Variants in ABHD2 observed in about 807,000 individuals in gnomAD.
ABHD2 encodes abhydrolase domain containing 2, acylglycerol lipase.
A neutral mutation model predicts 48.1 loss-of-function variants in ABHD2; 20 were observed. The ratio of observed to expected loss-of-function variants is 0.42; its 90% confidence interval spans 0.29 to 0.60. The LOEUF (loss-of-function observed/expected upper bound fraction) is 0.60, where lower values mean the gene tolerates loss of function less well. Among genes scored for constraint, ABHD2 ranks in the 20% least tolerant of loss-of-function variants. The probability of loss-of-function intolerance (pLI) is 0.24; values close to 1 mark genes in which losing one functional copy is unlikely to be tolerated. For missense variants in ABHD2, 405 were observed against 550.9 expected (o/e 0.74, Z 2.65); for synonymous variants, 209 against 214.2 (o/e 0.98, Z 0.21).
At position 89,200,468 on chromosome 15, in the gene ABHD2, G is replaced by C. The variant is rs911537975; in HGVS notation, c.*5045G>C. 1 of 152,516 alleles carries C rather than the reference G, an allele frequency of 6.6e-6. No individual in the cohort carries two copies. Among genetic ancestry groups the C allele is most frequent in the African/African-American group, 2.4e-5 (1 of 41,382 alleles). 9.4% of individuals were successfully genotyped at this position (152,516 alleles called of 1,614,324 possible). On this transcript the variant is annotated 3_prime_UTR_variant, in exon 11 of 11. Transcript: ENST00000352732. ...AGCGGGGCTCCTCACTTCCCAGACA[G>C]GGTGGCCAGGCAGAGGTGCTCCTCA...
intron 6 of ABHD2, chr15:89,183,310 C>T (rs2051143150): frequency 7.1e-6 from 1 of 140,918 alleles, no homozygotes; most frequent in South Asian, 2.3e-4. Flanking sequence ...TGTAGGTTAC[C>T]CTTTCTTTTA....
chr15:89,074,301 G>A, the ABHD2 span, among the ~76,000 whole-genome samples: 2 of 152,018 alleles, frequency 1.3e-5, no homozygotes, highest in Non-Finnish European at 2.9e-5. Flanking sequence ...GCTTGAACCC[G>A]GGCGGTGGAG....
intron 3 of ABHD2, among the ~76,000 whole-genome samples, chr15:89,121,784 T>C (rs1484322421): frequency 6.6e-6 from 1 of 152,168 alleles, no homozygotes; most frequent in Non-Finnish European, 1.5e-5. Context: ...CCCTCTTTTT[T>C]CTCAGCACCA....
intron 3 of ABHD2, among the ~76,000 whole-genome samples, chr15:89,149,310 G>A (rs1352654464): frequency 1.3e-5 from 2 of 152,102 alleles, no homozygotes; most frequent in African/African-American, 2.4e-5. Flanking sequence ...GAGGACAGTC[G>A]CCTAACGCCA....
At position 89,195,391 on chromosome 15, in the gene ABHD2, G is replaced by A. The variant is rs746997442; in HGVS notation, c.1246G>A (p.Asp416Asn). ...QWERNKLQCS[D>N]TEQVEADLE is the part of the protein sequence containing the mutation. The stretch of plus-strand genomic sequence containing the variant: ...GGAGCGTAACAAGTTGCAGTGCTCT[G>A]ACACGGAGCAGGTGGAGGCCGACCT... The change falls in exon 11 of 11, where the codon GAC becomes AAC. Residue 416 changes from aspartate to asparagine, a missense_variant. Physicochemically the swap from Asp to Asn is conservative, Grantham distance 23 (BLOSUM62 1). Transcript: ENST00000352732. This position sits in a 1 kb window ranked among gnomAD's most constrained non-coding sequence, Gnocchi z 5.1. 6.2e-7 allele frequency: 1 copy of A among 1,614,000 alleles called. No individual in the cohort carries two copies. Among genetic ancestry groups the A allele is most frequent in the African/African-American group, 1.3e-5 (1 of 74,944 alleles).
At position 89,201,061 on chromosome 15, in the gene ABHD2, A is replaced by C; in HGVS notation, c.*5638A>C. The C allele has an allele frequency of 1.0e-5, 8 of 778,064 alleles. No individual in the cohort carries two copies. The South Asian group carries it at 1.1e-4, about 11-fold the overall frequency. The allele number at this position is 778,064 out of a possible 1,614,324, so 48.2% of individuals were successfully genotyped here. On this transcript the variant is annotated 3_prime_UTR_variant, in exon 11 of 11. Transcript: ENST00000352732. The stretch of plus-strand genomic sequence containing the variant: ...CACGCCTCTGCACTCCAGCCTGGGC[A>C]ACAAGAGTGAGACTCCGTCTCCAAA...
In ABHD2 at chr15:89,201,498, T is replaced by C; in HGVS notation, c.*6075T>C. 1 of 1,581,502 alleles carries C rather than the reference T, an allele frequency of 6.3e-7. No individual in the cohort carries two copies. Among genetic ancestry groups the C allele is most frequent in the Non-Finnish European group, 8.7e-7 (1 of 1,150,876 alleles). Reference sequence around the variant, plus strand: ...CAGCTTCCATATCTGAAGTGTTTAGTGGAGCAAAAATTGTACCATAAACTT... The same window carrying C: ...CAGCTTCCATATCTGAAGTGTTTAGCGGAGCAAAAATTGTACCATAAACTT... On this transcript the variant is annotated 3_prime_UTR_variant, in exon 11 of 11. Transcript: ENST00000352732.
chr15:89,122,283 G>A (rs1044770493), intron 3 of ABHD2, among the ~76,000 whole-genome samples: 1 of 152,142 alleles, frequency 6.6e-6, no homozygotes, highest in Non-Finnish European at 1.5e-5. Flanking sequence ...ATGAGAATTT[G>A]TGTCTCTTTT....
the ABHD2 span, among the ~76,000 whole-genome samples, chr15:89,044,236 T>C: frequency 1.3e-5 from 2 of 152,314 alleles, no homozygotes; most frequent in South Asian, 4.1e-4. Flanking sequence ...CATGAACTCA[T>C]CATTTTTTAT....
intron 1 of ABHD2, among the ~76,000 whole-genome samples, chr15:89,111,939 A>ATT (rs2049881641): frequency 6.7e-6 from 1 of 150,328 alleles, no homozygotes. Flanking sequence ...GGGATTTTTT[A>ATT]TTTATATATA....
At chr15:89,150,523 T>TTCCCCTCC (rs1260250998) in intron 3 of ABHD2, among the ~76,000 whole-genome samples, 14 of 152,208 alleles carry the variant, frequency 9.2e-5, no homozygotes, top group Admixed American at 9.2e-4. Context: ...AAAATACTCT[T>TTCCCCTCC]TCCCCTCCTC....
chr15:89,085,164 C>T (rs1463278864), upstream of ABHD2, among the ~76,000 whole-genome samples: 2 of 152,132 alleles, frequency 1.3e-5, no homozygotes, highest in African/African-American at 4.8e-5. The surrounding 1 kb of genome is among the most constrained non-coding windows in gnomAD (Gnocchi z 4.2). Context: ...AGCAGTTCTG[C>T]TTTAATGAAG....
intron 3 of ABHD2, among the ~76,000 whole-genome samples, chr15:89,141,762 T>A (rs942487307): frequency 2.6e-5 from 4 of 152,234 alleles, no homozygotes; most frequent in African/African-American, 9.6e-5. Flanking sequence ...TAGTGCCAGC[T>A]TCTGGCTTGG....
Position 89,193,328 on chromosome 15 carries a change from T to C in ABHD2, c.1081+9T>C. 1 of 1,607,604 alleles carries C rather than the reference T, an allele frequency of 6.2e-7. No individual in the cohort carries two copies. Among genetic ancestry groups the C allele is most frequent in the Non-Finnish European group, 8.5e-7 (1 of 1,173,960 alleles). On this transcript the variant is annotated intron_variant, in intron 10 of 10. Transcript: ENST00000352732. ...TCCAAAATCTCTTTCAGGTAAGTGT[T>C]TCTTCCTGCTGCCCTCTCAACAGCT...
intron 5 of ABHD2, among the ~76,000 whole-genome samples, chr15:89,159,580 T>G (rs2050730907): frequency 6.6e-6 from 1 of 152,066 alleles, no homozygotes; most frequent in African/African-American, 2.4e-5. Context: ...CAGTTGGAGT[T>G]TGTAGACAGG....
In ABHD2 at chr15:89,201,014, G is replaced by A. The variant is rs576730834; in HGVS notation, c.*5591G>A. On this transcript the variant is annotated 3_prime_UTR_variant, in exon 11 of 11. Coordinates refer to ENST00000352732, the MANE Select transcript of ABHD2 (RefSeq NM_152924.5). ...GGAGAATTGCTTGAACCCAGGAGACGGAGGTTGCAGTGAGCCGAGATCACG... is the reference window on the plus strand; with the variant it reads ...GGAGAATTGCTTGAACCCAGGAGACAGAGGTTGCAGTGAGCCGAGATCACG... 32 of 576,136 alleles carry A rather than the reference G, an allele frequency of 5.6e-5. No individual in the cohort carries two copies. Among genetic ancestry groups the A allele is most frequent in the Non-Finnish European group, 8.0e-5 (26 of 325,630 alleles). 35.7% of individuals were successfully genotyped at this position (576,136 alleles called of 1,614,324 possible). A position where few individuals can be genotyped will look rare whatever the true frequency, so the allele number is the denominator to read the frequency against.
intron 5 of ABHD2, among the ~76,000 whole-genome samples, chr15:89,169,643 A>G (rs547985283): frequency 6.6e-6 from 1 of 152,324 alleles, no homozygotes; most frequent in South Asian, 2.1e-4. Context: ...TCTCAGTACT[A>G]TTTCTTAGGC....
chr15:89,160,978 ATACT>A (rs2050753589), intron 5 of ABHD2, among the ~76,000 whole-genome samples: 1 of 152,222 alleles, frequency 6.6e-6, no homozygotes, highest in Non-Finnish European at 1.5e-5. Flanking sequence ...AAAATTTATA[ATACT>A]TACTTTTCTC....
intron 5 of ABHD2, among the ~76,000 whole-genome samples, chr15:89,170,436 A>G (rs1406017948): frequency 6.6e-6 from 1 of 151,870 alleles, no homozygotes; most frequent in Non-Finnish European, 1.5e-5. Flanking sequence ...CCTTCATTTA[A>G]CCAGTCCTCT....
Sources: allele counts gnomAD v4.1 joint callset (sites outside exome capture counted in the v4.1 genomes callset), GRCh38; gene constraint gnomAD v4.1.1; non-coding constraint Gnocchi (gnomAD v3.1); transcripts MANE v1.5; gene names NCBI Gene and HGNC (gene_info 2026-07-23, HGNC 2026-07-21).